The following CD2AP variants were observed in gnomAD, a reference collection of about 807,000 sequenced individuals.
CD2AP encodes CD2 associated protein.
In CD2AP, 46 loss-of-function variants were observed where a neutral mutation model predicts 85.1. That is an observed-to-expected ratio of 0.54 (90% CI 0.43 to 0.69). The LOEUF (loss-of-function observed/expected upper bound fraction) is 0.69, where lower values mean the gene tolerates loss of function less well. Among genes scored for constraint, CD2AP ranks in the 30% least tolerant of loss-of-function variants. The pLI is 0.00. For synonymous variants in CD2AP, 255 were observed against 252.9 expected, an observed-to-expected ratio of 1.01 and a Z score of -0.08; for missense variants, 769 against 729.5, an observed-to-expected ratio of 1.05 and a Z score of -0.62.
chr6:47,572,443 G>A lies in CD2AP; in HGVS notation c.542-1621G>A, dbSNP rs189250752. Among the ~76,000 whole-genome samples, 13 of 152,030 alleles carry A rather than the reference G, an allele frequency of 8.6e-5. No individual in the cohort carries two copies. The East Asian group carries it at 2.5e-3, about 29-fold the overall frequency. On this transcript the variant is annotated intron_variant, in intron 5 of 17. Transcript: ENST00000359314. The stretch of plus-strand genomic sequence containing the variant: ...AATGTTAAAAATATATTACAAAACT[G>A]TCTTCTCCACTTCAGTCTTCTGTGT...
intron 2 of CD2AP, among the ~76,000 whole-genome samples, chr6:47,505,632 C>T (rs1423578814): frequency 7.9e-6 from 1 of 126,254 alleles, no homozygotes; most frequent in Non-Finnish European, 1.7e-5. Context: ...GCTGACCCCC[C>T]CCACCTCCCT....
chr6:47,514,170 T>C (rs1003438301), intron 2 of CD2AP, among the ~76,000 whole-genome samples: 2 of 152,230 alleles, frequency 1.3e-5, no homozygotes, highest in Admixed American at 1.3e-4. Context: ...ACAACTTTAC[T>C]ATTAGCTGTA....
At chr6:47,606,766 CAG>C (rs568765261) in intron 14 of CD2AP, among the ~76,000 whole-genome samples, 59 of 152,006 alleles carry the variant, frequency 3.9e-4, no homozygotes, top group African/African-American at 1.3e-3. Flanking sequence ...ATAATTATAT[CAG>C]GGTAAATGCG....
chr6:47,596,786 T>G (rs1478827946), intron 12 of CD2AP, among the ~76,000 whole-genome samples: 1 of 152,078 alleles, frequency 6.6e-6, no homozygotes, highest in African/African-American at 2.4e-5. Flanking sequence ...AGTAATGGAA[T>G]TGCTAGATCA....
chr6:47,621,896 C>T (rs1404298190), intron 17 of CD2AP, among the ~76,000 whole-genome samples: 1 of 151,968 alleles, frequency 6.6e-6, no homozygotes, highest in Non-Finnish European at 1.5e-5. Context: ...TGGGCGGGGC[C>T]GTAGAACTCC....
At chr6:47,589,534 A>ATATG (rs35220917) in intron 11 of CD2AP, among the ~76,000 whole-genome samples, 81,874 of 136,166 alleles carry the variant, frequency 0.6, 25,042 homozygotes, top group Middle Eastern at 0.71. Context: ...ATATATACAC[A>ATATG]TATGTACACA....
chr6:47,618,971 CT>C (rs1302531899), intron 17 of CD2AP, among the ~76,000 whole-genome samples: 1 of 152,114 alleles, frequency 6.6e-6, no homozygotes, highest in African/African-American at 2.4e-5. Flanking sequence ...AAAAGTAGTA[CT>C]TTACTATAAT....
At chr6:47,504,428 C>T (rs533442711) in intron 2 of CD2AP, among the ~76,000 whole-genome samples, 2 of 152,308 alleles carry the variant, frequency 1.3e-5, no homozygotes, top group South Asian at 2.1e-4. Flanking sequence ...ACAGTTGTCT[C>T]AGTATCCAGG....
Position 47,593,806 on chromosome 6 carries a change from C to T in CD2AP, c.1109-2055C>T, listed in dbSNP as rs188703341. ...ATATGACCCAGCAGTTCCAAACGTCCAAGAGAATTGACAACAGACTCTCGT... is the reference window on the plus strand; with the variant it reads ...ATATGACCCAGCAGTTCCAAACGTCTAAGAGAATTGACAACAGACTCTCGT... On this transcript the variant is annotated intron_variant, in intron 11 of 17. Coordinates refer to ENST00000359314, the MANE Select transcript of CD2AP (RefSeq NM_012120.3). Among the ~76,000 whole-genome samples, 104 of 152,086 alleles carry T rather than the reference C, an allele frequency of 6.8e-4. 2 individuals carry two copies. The highest frequency in any genetic ancestry group is 2.5e-4 in the Non-Finnish European group (17 of 67,984).
intron 1 of CD2AP, among the ~76,000 whole-genome samples, chr6:47,487,902 T>TAATTGGGTAGAGAGGGCCAACCTA (rs1765605158): frequency 6.6e-6 from 1 of 152,038 alleles, no homozygotes. Flanking sequence ...TAATTTGGAG[T>TAATTGGGTAGAGAGGGCCAACCTA]AATTGGGTAG....
intron 1 of CD2AP, among the ~76,000 whole-genome samples, chr6:47,503,003 T>C: frequency 6.6e-6 from 1 of 152,172 alleles, no homozygotes. Flanking sequence ...CTACAAAGGA[T>C]ATGCATGTGA....
chr6:47,533,554 TA>T (rs763046550), intron 2 of CD2AP, 47 bp from the exon 3 acceptor site: 9 of 1,563,100 alleles, frequency 5.8e-6, no homozygotes, highest in Middle Eastern at 1.7e-4. Context: ...GGATTTAATA[TA>T]AAAAATATAA....
intron 11 of CD2AP, among the ~76,000 whole-genome samples, chr6:47,585,415 A>G (rs1411482331): frequency 1.3e-5 from 2 of 152,206 alleles, no homozygotes; most frequent in Admixed American, 6.5e-5. Flanking sequence ...CAACTGGAAA[A>G]TTGGACAAAA....
At chr6:47,616,617 C>T (rs1769592852) in intron 17 of CD2AP, among the ~76,000 whole-genome samples, 1 of 152,144 alleles carries the variant, frequency 6.6e-6, no homozygotes, top group African/African-American at 2.4e-5. Context: ...TTGACTTTTT[C>T]CATTATTCAG....
At chr6:47,609,031 A>C in intron 15 of CD2AP, 92 bp from the exon 16 acceptor site, 1 of 964,006 alleles carries the variant, frequency 1.0e-6, no homozygotes, top group Non-Finnish European at 1.5e-6. Context: ...CTTATCTTGA[A>C]GTACTTAATT....
At chr6:47,537,228 A>C (rs1258025279) in intron 3 of CD2AP, among the ~76,000 whole-genome samples, 3 of 152,208 alleles carry the variant, frequency 2.0e-5, no homozygotes, top group Non-Finnish European at 2.9e-5. Flanking sequence ...ATTTTGAGTC[A>C]GTGCTGAAGA....
intron 17 of CD2AP, among the ~76,000 whole-genome samples, chr6:47,614,612 T>A (rs1287602375): frequency 3.3e-5 from 5 of 152,236 alleles, no homozygotes; most frequent in African/African-American, 1.2e-4. Flanking sequence ...TTTGAAATAT[T>A]GTGAAAATTG....
intron 5 of CD2AP, among the ~76,000 whole-genome samples, chr6:47,569,407 A>G (rs1321765001): frequency 6.6e-6 from 1 of 152,208 alleles, no homozygotes; most frequent in Admixed American, 6.5e-5. Flanking sequence ...CTGACTTTTG[A>G]TATCTTCTAT....
intron 2 of CD2AP, among the ~76,000 whole-genome samples, chr6:47,521,119 C>T (rs1405715448): frequency 6.6e-6 from 1 of 152,096 alleles, no homozygotes; most frequent in Non-Finnish European, 1.5e-5. Context: ...TAGGGAAACA[C>T]CTACTCCATC....
Sources: allele counts gnomAD v4.1 joint callset (sites outside exome capture counted in the v4.1 genomes callset), GRCh38; gene constraint gnomAD v4.1.1; transcripts MANE v1.5; gene names NCBI Gene and HGNC (gene_info 2026-07-23, HGNC 2026-07-21).